PPEF1: variants seen among roughly 807,000 people sequenced by gnomAD.
PPEF1 encodes protein phosphatase with EF-hand domain 1, also known as serine/threonine-protein phosphatase with EF-hands 1.
A neutral mutation model predicts 53.3 loss-of-function variants in PPEF1; 12 were observed. The ratio of observed to expected loss-of-function variants is 0.23; its 90% CI spans 0.14 to 0.36. The LOEUF (loss-of-function observed/expected upper bound fraction) is 0.36, where lower values mean the gene tolerates loss of function less well. PPEF1 is among the 10% of genes least tolerant of loss of function. PPEF1 has a pLI of 1.00. For synonymous variants in PPEF1, 165 were observed against 176.7 expected (o/e 0.93, Z 0.52); for missense variants, 334 against 490.4 (o/e 0.68, Z 3.01).
chrX:18,694,807 G>A (rs1001384083), intron 4 of PPEF1, among the ~76,000 whole-genome samples: 1 of 111,708 alleles, frequency 9.0e-6, no homozygotes, highest in African/African-American at 3.3e-5. Context: ...TTTAATTTCT[G>A]CTTCCTTGAA....
intron 6 of PPEF1, among the ~76,000 whole-genome samples, chrX:18,769,005 CT>C (rs2045827040): frequency 8.9e-6 from 1 of 112,370 alleles, no homozygotes; most frequent in Admixed American, 9.4e-5. Flanking sequence ...TTCTCAGACA[CT>C]TTTTGTGGTG....
At chrX:18,688,205 C>G (rs1369776838) in intron 3 of PPEF1, among the ~76,000 whole-genome samples, 1 of 112,073 alleles carries the variant, frequency 8.9e-6, no homozygotes, top group East Asian at 2.8e-4. Context: ...ATATTAACTT[C>G]ATAACCTTCT....
intron 4 of PPEF1, among the ~76,000 whole-genome samples, chrX:18,693,832 T>C (rs1299514519): frequency 8.9e-6 from 1 of 112,050 alleles, no homozygotes; most frequent in East Asian, 2.8e-4. Context: ...CCTCCCAAAG[T>C]GCTGAGATGG....
In PPEF1 at chrX:18,730,526, G is replaced by C. The variant is rs1012451661; in HGVS notation, c.174+218G>C. 2.7e-5 allele frequency among the ~76,000 whole-genome samples: 3 copies of C among 110,979 alleles called. No individual in the cohort carries two copies. In the Admixed American group the frequency reaches 2.9e-4, roughly 11 times the overall value. On this transcript the variant is annotated intron_variant, in intron 2 of 15. Transcript: ENST00000470157. ...CGTTTTGAAGTTCACATTTTTAAGA[G>C]GGCTGCCCAACATCTGGTTAACTAA...
intron 9 of PPEF1, among the ~76,000 whole-genome samples, chrX:18,786,012 A>G (rs1569264685): frequency 1.8e-5 from 2 of 112,430 alleles, no homozygotes; most frequent in East Asian, 5.6e-4. Context: ...TATTAACATA[A>G]TGAGTGGATT....
chrX:18,736,522 T>G (rs996072710), intron 3 of PPEF1, among the ~76,000 whole-genome samples: 1 of 112,122 alleles, frequency 8.9e-6, no homozygotes, highest in African/African-American at 3.2e-5. Flanking sequence ...GCTGCTGGAT[T>G]CGGTTTGCCA....
At chrX:18,749,295 CA>C (rs2045392241) in intron 3 of PPEF1, among the ~76,000 whole-genome samples, 1 of 112,401 alleles carries the variant, frequency 8.9e-6, no homozygotes. Flanking sequence ...AAGAGAAAAA[CA>C]AATCCGTTAC....
intron 5 of PPEF1, among the ~76,000 whole-genome samples, chrX:18,758,558 A>G (rs1213588717): frequency 9.0e-6 from 1 of 111,687 alleles, no homozygotes; most frequent in African/African-American, 3.3e-5. Flanking sequence ...TGCCTACCTC[A>G]TCACATGCCC....
At chrX:18,719,026 G>T (rs1483269330) in intron 1 of PPEF1, among the ~76,000 whole-genome samples, 1 of 111,905 alleles carries the variant, frequency 8.9e-6, no homozygotes, top group Admixed American at 9.5e-5. Context: ...AAGATTAAAG[G>T]TTATTATTGA....
chrX:18,804,173 A>G, intron 11 of PPEF1, 96 bp downstream of exon 11: 2 of 832,141 alleles, frequency 2.4e-6, no homozygotes, highest in Non-Finnish European at 3.4e-6. Flanking sequence ...GCCCATGAGA[A>G]GATGTCTTCT....
At chrX:18,776,781 G>A (rs776764616) in intron 6 of PPEF1, among the ~76,000 whole-genome samples, 28 of 111,096 alleles carry the variant, frequency 2.5e-4, no homozygotes, top group Admixed American at 1.7e-3. Flanking sequence ...TTAGCCAGGC[G>A]TGGTGGCAGG....
chrX:18,724,161 T>G (rs1277107514), intron 1 of PPEF1, among the ~76,000 whole-genome samples: 5 of 111,506 alleles, frequency 4.5e-5, no homozygotes, highest in African/African-American at 1.6e-4. Flanking sequence ...GTTCTGAAAT[T>G]ACAGATAACT....
intron 2 of PPEF1, among the ~76,000 whole-genome samples, chrX:18,733,014 G>C (rs1278569256): frequency 9.0e-6 from 1 of 111,432 alleles, no homozygotes; most frequent in African/African-American, 3.3e-5. Context: ...GACCTGCCTG[G>C]CCAACATGTT....
At chrX:18,720,913 G>T (rs1204709727) in intron 1 of PPEF1, among the ~76,000 whole-genome samples, 1 of 110,620 alleles carries the variant, frequency 9.0e-6, no homozygotes, top group East Asian at 2.9e-4. Flanking sequence ...TGGCCCCCAT[G>T]GTCACCTGGA....
chrX:18,707,864 AG>A lies in PPEF1; in HGVS notation c.46+42del, dbSNP rs2044234687. 3 of 1,144,932 alleles carry A rather than the reference AG, an allele frequency of 2.6e-6. No individual in the cohort carries two copies. In the East Asian group the frequency reaches 8.9e-5, roughly 34 times the overall value. 94.4% of individuals were successfully genotyped at this position (1,144,932 alleles called of 1,213,427 possible). ...AATGTGCCTGTGGTTATGAATGAAAAGGGGAAAATGAGCTGCCCTCACCCTC... is the reference window on the plus strand; with the variant it reads ...AATGTGCCTGTGGTTATGAATGAAAAGGGAAAATGAGCTGCCCTCACCCTC... On this transcript the variant is annotated intron_variant, in intron 1 of 15. Transcript: ENST00000470157.
At chrX:18,730,442 A>T in intron 2 of PPEF1, 134 bp downstream of exon 2, 5 of 756,009 alleles carry the variant, frequency 6.6e-6, no homozygotes, top group Non-Finnish European at 9.4e-6. Context: ...ATGTCATGAC[A>T]TTGTCTTGGA....
chrX:18,731,949 C>T (rs1008054653), intron 2 of PPEF1, among the ~76,000 whole-genome samples: 3 of 111,674 alleles, frequency 2.7e-5, no homozygotes, highest in Admixed American at 9.5e-5. Context: ...TGCAGTGGCA[C>T]GATTTCAGAT....
chrX:18,823,862 G>T (rs181592211), intron 13 of PPEF1, 61 bp from the exon 14 acceptor site: 2 of 1,145,614 alleles, frequency 1.7e-6, no homozygotes, highest in African/African-American at 3.6e-5. Flanking sequence ...TCCCAAGGAG[G>T]TTGCATTCTT....
intron 12 of PPEF1, among the ~76,000 whole-genome samples, chrX:18,809,052 G>A (rs1347936970): frequency 2.8e-5 from 3 of 108,504 alleles, no homozygotes; most frequent in Non-Finnish European, 5.7e-5. Context: ...ATATACGTGT[G>A]TGGATTTATA....
Sources: allele counts gnomAD v4.1 joint callset (sites outside exome capture counted in the v4.1 genomes callset), GRCh38; gene constraint gnomAD v4.1.1; transcripts MANE v1.5; gene names NCBI Gene and HGNC (gene_info 2026-07-23, HGNC 2026-07-21).